The following NTM variants were observed in gnomAD, a reference collection of about 807,000 sequenced individuals.
NTM encodes neurotrimin.
A neutral mutation model predicts 42.1 loss-of-function variants in NTM; 13 were observed. The observed-to-expected ratio is 0.31, with a 90% CI of 0.20 to 0.49. The LOEUF (loss-of-function observed/expected upper bound fraction) is 0.49. Among genes scored for constraint, NTM ranks in the 20% least tolerant of loss-of-function variants. The pLI is 0.99. For synonymous variants in NTM, 187 were observed against 179.2 expected, an observed-to-expected ratio of 1.04 and a Z score of -0.35; for missense variants, 373 against 452.8, an observed-to-expected ratio of 0.82 and a Z score of 1.60.
At chr11:131,798,060 C>T (rs1218845786) in intron 1 of NTM, among the ~76,000 whole-genome samples, 1 of 152,188 alleles carries the variant, frequency 6.6e-6, no homozygotes, top group Non-Finnish European at 1.5e-5. Flanking sequence ...AGATGTTCGA[C>T]TGCCCAAGGT....
chr11:132,117,230 G>A (rs79267583), intron 2 of NTM, among the ~76,000 whole-genome samples: 3,777 of 152,286 alleles, frequency 0.025, 71 homozygotes, highest in Middle Eastern at 0.1. Context: ...CTTGCTACAC[G>A]AAGACAAAGA....
At chr11:132,281,921 T>G (rs572150178) in intron 4 of NTM, among the ~76,000 whole-genome samples, 2 of 152,336 alleles carry the variant, frequency 1.3e-5, no homozygotes, top group Admixed American at 1.3e-4. Flanking sequence ...AAATTTATTT[T>G]TATTAATTTC....
At chr11:131,893,297 T>C (rs2051678217) in intron 1 of NTM, among the ~76,000 whole-genome samples, 1 of 152,202 alleles carries the variant, frequency 6.6e-6, no homozygotes, top group Non-Finnish European at 1.5e-5. Flanking sequence ...AGAAGCCCAC[T>C]CATGCAAATA....
intron 1 of NTM, among the ~76,000 whole-genome samples, chr11:131,578,408 G>T (rs1416200341): frequency 6.6e-6 from 1 of 152,128 alleles, no homozygotes; most frequent in African/African-American, 2.4e-5. Context: ...GTAGATAATG[G>T]GATAGAGAAA....
At chr11:132,213,922 G>T (rs2083345588) in intron 4 of NTM, among the ~76,000 whole-genome samples, 1 of 82,446 alleles carries the variant, frequency 1.2e-5, no homozygotes, top group South Asian at 3.6e-4. Flanking sequence ...TTTTAGTAGA[G>T]ACGGGGTTTC....
At chr11:131,820,161 C>G (rs1163583471) in intron 1 of NTM, among the ~76,000 whole-genome samples, 1 of 152,212 alleles carries the variant, frequency 6.6e-6, no homozygotes, top group East Asian at 1.9e-4. Context: ...TCAACCACAA[C>G]AGCCTGGTGA....
intron 2 of NTM, among the ~76,000 whole-genome samples, chr11:132,136,202 T>C (rs2067894581): frequency 6.6e-6 from 1 of 152,154 alleles, no homozygotes; most frequent in African/African-American, 2.4e-5. Context: ...GTCCCACCTG[T>C]GTCTCACCTC....
intron 2 of NTM, among the ~76,000 whole-genome samples, chr11:132,121,595 C>A (rs1475936256): frequency 3.9e-5 from 6 of 152,100 alleles, no homozygotes; most frequent in African/African-American, 1.4e-4. Flanking sequence ...CTAAGAAATC[C>A]TCTCCTGTTT....
intron 1 of NTM, among the ~76,000 whole-genome samples, chr11:131,906,232 T>C (rs138057493): frequency 6.6e-6 from 1 of 152,218 alleles, no homozygotes; most frequent in African/African-American, 2.4e-5. Context: ...TGGTAACCTG[T>C]CCTCTGGGGG....
At chr11:131,936,988 T>A (rs1489245428) in intron 2 of NTM, among the ~76,000 whole-genome samples, 2 of 152,172 alleles carry the variant, frequency 1.3e-5, no homozygotes, top group African/African-American at 4.8e-5. Flanking sequence ...TTCTATTCAG[T>A]CCCAAAGGTA....
chr11:131,645,361 C>T (rs1282415484), intron 1 of NTM, among the ~76,000 whole-genome samples: 5 of 152,200 alleles, frequency 3.3e-5, no homozygotes, highest in Non-Finnish European at 7.3e-5. Context: ...GCAATGCTCC[C>T]AGTCCTCCTG....
chr11:132,212,187 T>C, intron 4 of NTM, 40 bp downstream of exon 4: 1 of 1,583,760 alleles, frequency 6.3e-7, no homozygotes, highest in Non-Finnish European at 8.6e-7. Flanking sequence ...TGAGGATAAA[T>C]GGGGGAATTT....
intron 2 of NTM, among the ~76,000 whole-genome samples, chr11:132,088,403 T>C (rs1010994344): frequency 6.6e-6 from 1 of 152,134 alleles, no homozygotes; most frequent in Non-Finnish European, 1.5e-5. Flanking sequence ...TTTTTCTCCT[T>C]AGTTCAGCTG....
chr11:131,805,823 G>T (rs2092450078), intron 1 of NTM, among the ~76,000 whole-genome samples: 1 of 151,956 alleles, frequency 6.6e-6, no homozygotes, highest in Non-Finnish European at 1.5e-5. Flanking sequence ...GTATTGCTTG[G>T]GATATTTATT....
In NTM at chr11:131,783,074, T is replaced by C. The variant is rs1168014117; in HGVS notation, c.83-128490T>C. On this transcript the variant is annotated intron_variant, in intron 1 of 8. Transcript: ENST00000683400. ...TTTATGAGTGGCATGATTGTGTACATAGAAAATTCAAAGCAATCTACAGAA... is the reference window on the plus strand; with the variant it reads ...TTTATGAGTGGCATGATTGTGTACACAGAAAATTCAAAGCAATCTACAGAA... Among the ~76,000 whole-genome samples, 4 of 152,240 alleles carry C rather than the reference T, an allele frequency of 2.6e-5. No individual in the cohort carries two copies. In the East Asian group the frequency reaches 5.8e-4, roughly 22 times the overall value.
intron 2 of NTM, among the ~76,000 whole-genome samples, chr11:131,950,875 G>T (rs1450975853): frequency 6.6e-6 from 1 of 152,120 alleles, no homozygotes; most frequent in African/African-American, 2.4e-5. Flanking sequence ...TGAGCACGTT[G>T]CCATGTCTTA....
intron 1 of NTM, among the ~76,000 whole-genome samples, chr11:131,574,339 C>G (rs1041027041): frequency 2.6e-5 from 4 of 152,134 alleles, no homozygotes; most frequent in Non-Finnish European, 5.9e-5. Context: ...TCAAAGCCCC[C>G]TCAGGTGCCC....
chr11:132,303,258 G>A (rs1265531425), intron 4 of NTM, among the ~76,000 whole-genome samples: 2 of 152,324 alleles, frequency 1.3e-5, no homozygotes, highest in South Asian at 2.1e-4. Flanking sequence ...CAGTGCTGGA[G>A]GCTAGAAGTC....
At chr11:132,174,830 C>T (rs1020201331) in intron 3 of NTM, among the ~76,000 whole-genome samples, 10 of 152,086 alleles carry the variant, frequency 6.6e-5, no homozygotes, top group South Asian at 2.1e-4. Context: ...AAATGCTTCA[C>T]GTCTGTTTGT....
Sources: allele counts gnomAD v4.1 joint callset (sites outside exome capture counted in the v4.1 genomes callset), GRCh38; gene constraint gnomAD v4.1.1; transcripts MANE v1.5; gene names NCBI Gene and HGNC (gene_info 2026-07-23, HGNC 2026-07-21).